The following PLEKHG3 variants were observed in gnomAD, a reference collection of about 807,000 sequenced individuals.
PLEKHG3 encodes the protein pleckstrin homology domain-containing family G member 3.
A neutral mutation model predicts 94.9 loss-of-function variants in PLEKHG3; 62 were observed. The ratio of observed to expected loss-of-function variants is 0.65; its 90% confidence interval spans 0.53 to 0.81. The LOEUF is 0.81. Among genes scored for constraint, PLEKHG3 ranks in the 30% least tolerant of loss-of-function variants. PLEKHG3 has a pLI of 0.00. For synonymous variants in PLEKHG3, 614 were observed against 654.0 expected, an observed-to-expected ratio of 0.94 and a Z score of 0.93; for missense variants, 1,461 against 1,619.3, an observed-to-expected ratio of 0.90 and a Z score of 1.68.
intron 1 of PLEKHG3, among the ~76,000 whole-genome samples, chr14:64,710,897 A>T (rs1403072489): frequency 6.6e-6 from 1 of 151,836 alleles, no homozygotes; most frequent in Admixed American, 6.6e-5. Flanking sequence ...TTGATAATTT[A>T]TGCTTTGCTG....
At position 64,718,607 on chromosome 14, in the gene PLEKHG3, G is replaced by GC. The variant is rs2081210189; in HGVS notation, c.-39-8983dup. On this transcript the variant is annotated intron_variant, in intron 1 of 16. Coordinates refer to ENST00000247226, the MANE Select transcript of PLEKHG3 (RefSeq NM_001308147.2). The surrounding 1 kb of genome is among the most constrained non-coding windows in gnomAD (Gnocchi z 5.0). ...TCAGAGAGAGATTGAGGCACAAAGA[G>GC]CCCGCTGACTTGCTCCTGATCATAC... Among the ~76,000 whole-genome samples the GC allele has an allele frequency of 6.6e-6, 1 of 152,226 alleles. No homozygotes were observed. The highest frequency in any genetic ancestry group is 6.5e-5 in the Admixed American group (1 of 15,284).
rs1440814842 is a variant in PLEKHG3 at position 64,715,543 on chromosome 14, G to C, written c.-40+10839G>C. Among the ~76,000 whole-genome samples the C allele has an allele frequency of 6.6e-6, 1 of 152,166 alleles. No individual in the cohort carries two copies. The highest frequency in any genetic ancestry group is 2.4e-5 in the African/African-American group (1 of 41,430). ...ACCTGTAAAATAGGGATGGCCACCT[G>C]CCTTTCCTCTCTGCCCCCACTATTG... On this transcript the variant is annotated intron_variant, in intron 1 of 16. Transcript: ENST00000247226. This position sits in a 1 kb window ranked among gnomAD's most constrained non-coding sequence, Gnocchi z 4.4.
At chr14:64,714,134 A>G (rs1438400444) in intron 1 of PLEKHG3, among the ~76,000 whole-genome samples, 1 of 151,758 alleles carries the variant, frequency 6.6e-6, no homozygotes, top group Non-Finnish European at 1.5e-5. Context: ...CTTCCTTATG[A>G]TGGTTTGTTT....
At chr14:64,712,740 A>T (rs1422120189) in intron 1 of PLEKHG3, among the ~76,000 whole-genome samples, 1 of 152,190 alleles carries the variant, frequency 6.6e-6, no homozygotes, top group Non-Finnish European at 1.5e-5. Context: ...TCCATATACA[A>T]GTTCATGTTA....
At chr14:64,719,054 C>A (rs570869432) in intron 1 of PLEKHG3, among the ~76,000 whole-genome samples, 1 of 152,286 alleles carries the variant, frequency 6.6e-6, no homozygotes, top group South Asian at 2.1e-4. Flanking sequence ...TACTTCATTT[C>A]TTGGCTTGAC....
At chr14:64,737,928 G>C in intron 14 of PLEKHG3, 2 of 1,218,196 alleles carry the variant, frequency 1.6e-6, no homozygotes, top group Non-Finnish European at 2.1e-6. Context: ...CCTGCAGCCA[G>C]AGGCTGAAGG....
chr14:64,708,250 C>T (rs555202734), intron 1 of PLEKHG3, among the ~76,000 whole-genome samples: 1 of 152,200 alleles, frequency 6.6e-6, no homozygotes, highest in African/African-American at 2.4e-5. Flanking sequence ...CTGACCACCC[C>T]CCTCTTGCTC....
rs1175912540 is a variant in PLEKHG3 at position 64,748,419 on chromosome 14, G to A, written c.*4716G>A. ...AGTGGGGCGAGGGTCCCAGCATTGA[G>A]AGGGAGAGCCTTAGGCAGTGTTGTG... On this transcript the variant is annotated 3_prime_UTR_variant, in exon 17 of 17. Transcript: ENST00000247226. 2 of 152,398 alleles carry A rather than the reference G, an allele frequency of 1.3e-5. No homozygotes were observed. Among genetic ancestry groups the A allele is most frequent in the Non-Finnish European group, 2.9e-5 (2 of 68,188 alleles). The allele number at this position is 152,398 out of a possible 1,614,324, so 9.4% of individuals were successfully genotyped here. A position where few individuals can be genotyped will look rare whatever the true frequency, so the allele number is the denominator to read the frequency against.
rs1319586394 is a variant in PLEKHG3, at chr14:64,738,869, A to G, written c.1518+14A>G. On this transcript the variant is annotated intron_variant, in intron 15 of 16. Transcript: ENST00000247226. The surrounding 1 kb of genome is among the most constrained non-coding windows in gnomAD (Gnocchi z 4.8). ...TCCCTGCCAGAGGTGAGCGACCAGCAGGTGGGATGGGGATAGTAGGAAGAA... is the reference window on the plus strand; with the variant it reads ...TCCCTGCCAGAGGTGAGCGACCAGCGGGTGGGATGGGGATAGTAGGAAGAA... The G allele has an allele frequency of 6.7e-7, 1 of 1,501,490 alleles. No individual in the cohort carries two copies. The highest frequency in any genetic ancestry group is 1.9e-5 in the Admixed American group (1 of 53,126). The allele number at this position is 1,501,490 out of a possible 1,614,324, so 93.0% of individuals were successfully genotyped here.
chr14:64,733,991 G>T (rs2081523869), intron 12 of PLEKHG3, among the ~76,000 whole-genome samples: 1 of 152,228 alleles, frequency 6.6e-6, no homozygotes, highest in South Asian at 2.1e-4. Flanking sequence ...ATTCTAAAGT[G>T]ACTGAGAGTG....
chr14:64,746,934 G>T lies in PLEKHG3; in HGVS notation c.*3231G>T, dbSNP rs1438368626. ...CTTGCTAGGGCACTGGGAGAGCTTA[G>T]CCCTGGTGTGGCACACACAGGGTCT... On this transcript the variant is annotated 3_prime_UTR_variant, in exon 17 of 17. Coordinates refer to ENST00000247226, the MANE Select transcript of PLEKHG3 (RefSeq NM_001308147.2). This position sits in a 1 kb window ranked among gnomAD's most constrained non-coding sequence, Gnocchi z 4.9. The T allele has an allele frequency of 6.6e-6, 1 of 152,566 alleles. No individual in the cohort carries two copies. Among genetic ancestry groups the T allele is most frequent in the African/African-American group, 2.4e-5 (1 of 41,450 alleles). 9.5% of individuals were successfully genotyped at this position (152,566 alleles called of 1,614,324 possible). A position where few individuals can be genotyped will look rare whatever the true frequency, so the allele number is the denominator to read the frequency against.
At position 64,747,496 on chromosome 14, in the gene PLEKHG3, G is replaced by C. The variant is rs960387848; in HGVS notation, c.*3793G>C. 1 of 152,670 alleles carries C rather than the reference G, an allele frequency of 6.6e-6. No homozygotes were observed. The highest frequency in any genetic ancestry group is 1.5e-5 in the Non-Finnish European group (1 of 68,094). 9.5% of individuals were successfully genotyped at this position (152,670 alleles called of 1,614,324 possible). On this transcript the variant is annotated 3_prime_UTR_variant, in exon 17 of 17. Transcript: ENST00000247226. Reference sequence around the variant, plus strand: ...ACCTTGCTCACCAGGGCGGGAACCTGGGGATGTCAGGCTCCATCGGATGAC... The same window carrying C: ...ACCTTGCTCACCAGGGCGGGAACCTCGGGATGTCAGGCTCCATCGGATGAC...
At position 64,746,908 on chromosome 14, in the gene PLEKHG3, C is replaced by G. The variant is rs1407434489; in HGVS notation, c.*3205C>G. ...ATAAGGAGAGAAAAAAAAAAAAAGA[C>G]CTTGCTAGGGCACTGGGAGAGCTTA... On this transcript the variant is annotated 3_prime_UTR_variant, in exon 17 of 17. Transcript: ENST00000247226. This position sits in a 1 kb window ranked among gnomAD's most constrained non-coding sequence, Gnocchi z 4.9. 1 of 152,162 alleles carries G rather than the reference C, an allele frequency of 6.6e-6. No individual in the cohort carries two copies. Among genetic ancestry groups the G allele is most frequent in the Non-Finnish European group, 1.5e-5 (1 of 67,954 alleles). 9.4% of individuals were successfully genotyped at this position (152,162 alleles called of 1,614,324 possible). A position where few individuals can be genotyped will look rare whatever the true frequency, so the allele number is the denominator to read the frequency against.
intron 1 of PLEKHG3, among the ~76,000 whole-genome samples, chr14:64,709,324 C>G (rs2139357585): frequency 6.6e-6 from 1 of 152,294 alleles, no homozygotes; most frequent in East Asian, 1.9e-4. Flanking sequence ...GAGTCCAGCC[C>G]TAGGTGGGCT....
rs773465088 is a variant in PLEKHG3, at chr14:64,741,518, A to G, written c.2001A>G (p.Pro667=). ...ATDSLSCQLS[P]EVDISVGVAT... is the part of the protein sequence containing the mutation. ...ACTCCCTCAGCTGTCAGCTCTCCCC[A>G]GAAGTGGACATCAGTGTGGGGGTGG... Residue 667 remains proline (P), a synonymous_variant, in exon 16 of 17, where the codon CCA becomes CCG. Coordinates refer to ENST00000247226, the MANE Select transcript of PLEKHG3 (RefSeq NM_001308147.2). 2.5e-6 allele frequency: 4 copies of G among 1,612,800 alleles called. No individual in the cohort carries two copies. In the South Asian group the frequency reaches 3.3e-5, roughly 13 times the overall value.
rs746265758 is a variant in PLEKHG3, at chr14:64,743,403, C to G, written c.3360C>G (p.Pro1120=). 23 of 1,609,996 alleles carry G rather than the reference C, an allele frequency of 1.4e-5. No homozygotes were observed. Among genetic ancestry groups the G allele is most frequent in the Non-Finnish European group, 1.9e-5 (22 of 1,177,914 alleles). The change falls in exon 17 of 17, where the codon CCC becomes CCG. Residue 1120 remains proline, a synonymous_variant. Coordinates refer to ENST00000247226, the MANE Select transcript of PLEKHG3 (RefSeq NM_001308147.2). This position sits in a 1 kb window ranked among gnomAD's most constrained non-coding sequence, Gnocchi z 7.2. The part of the protein sequence containing the change: ...GEAAQSPGPL[P]QSKPDGGETL... Reference sequence around the variant, plus strand: ...CTGCCCAATCCCCTGGGCCTCTGCCCCAGAGCAAGCCGGATGGAGGCGAGA... The same window carrying G: ...CTGCCCAATCCCCTGGGCCTCTGCCGCAGAGCAAGCCGGATGGAGGCGAGA...
chr14:64,737,181 T>C, intron 13 of PLEKHG3, 175 bp from the exon 14 acceptor site: 2 of 657,398 alleles, frequency 3.0e-6, no homozygotes, highest in Non-Finnish European at 2.8e-6. Context: ...CCCTGCTCTG[T>C]CAGTCATTCT....
At position 64,728,067 on chromosome 14, in the gene PLEKHG3, C is replaced by T. The variant is rs771437214; in HGVS notation, c.351+85C>T. 5.7e-6 allele frequency: 5 copies of T among 878,854 alleles called. No individual in the cohort carries two copies. The highest frequency in any genetic ancestry group is 8.4e-6 in the Non-Finnish European group (5 of 592,712). 54.4% of individuals were successfully genotyped at this position (878,854 alleles called of 1,614,324 possible). On this transcript the variant is annotated intron_variant, in intron 2 of 16. Coordinates refer to ENST00000247226, the MANE Select transcript of PLEKHG3 (RefSeq NM_001308147.2). The surrounding 1 kb of genome is among the most constrained non-coding windows in gnomAD (Gnocchi z 5.9). Reference sequence around the variant, plus strand: ...GGAAGCTCTCAAAAGACCTGCTTCCCATAAAGTAGTTGGAGAACTGGGGTC... The same window carrying T: ...GGAAGCTCTCAAAAGACCTGCTTCCTATAAAGTAGTTGGAGAACTGGGGTC...
chr14:64,716,934 G>T lies in PLEKHG3; in HGVS notation c.-39-10659G>T, dbSNP rs75307401. Among the ~76,000 whole-genome samples, 13 of 152,310 alleles carry T rather than the reference G, an allele frequency of 8.5e-5. No individual in the cohort carries two copies. The East Asian group carries it at 2.1e-3, about 25-fold the overall frequency. The stretch of plus-strand genomic sequence containing the variant: ...CAGGAAGTGCCCCTCCTCTACCCAG[G>T]AACTGGTTGGATGAGTTTCTTAGGC... On this transcript the variant is annotated intron_variant, in intron 1 of 16. Transcript: ENST00000247226. This position sits in a 1 kb window ranked among gnomAD's most constrained non-coding sequence, Gnocchi z 5.0.
Sources: allele counts gnomAD v4.1 joint callset (sites outside exome capture counted in the v4.1 genomes callset), GRCh38; gene constraint gnomAD v4.1.1; non-coding constraint Gnocchi (gnomAD v3.1); transcripts MANE v1.5; gene names NCBI Gene and HGNC (gene_info 2026-07-23, HGNC 2026-07-21).